The following DIAPH2 variants were observed in gnomAD, a reference collection of about 807,000 sequenced individuals.
The protein encoded by DIAPH2 is protein diaphanous homolog 2.
DIAPH2 carries 35 observed loss-of-function variants against 92.7 expected under a neutral mutation model. The observed-to-expected ratio is 0.38, with a 90% CI of 0.29 to 0.50. DIAPH2 has a LOEUF of 0.50. DIAPH2 is among the 20% of genes least tolerant of loss of function. The pLI, the probability that DIAPH2 is intolerant of heterozygous loss-of-function variation, is 0.94. For synonymous variants in DIAPH2, 301 were observed against 280.4 expected (o/e 1.07, Z -0.73); for missense variants, 701 against 819.5 (o/e 0.86, Z 1.77).
At chrX:96,724,643 A>G (rs2064010118) in intron 1 of DIAPH2, among the ~76,000 whole-genome samples, 1 of 111,800 alleles carries the variant, frequency 8.9e-6, no homozygotes, top group Admixed American at 9.5e-5. Flanking sequence ...GGCAAGGTTA[A>G]CAGCCACTTC....
chrX:96,689,861 T>C (rs2063790083), intron 1 of DIAPH2, among the ~76,000 whole-genome samples: 1 of 111,394 alleles, frequency 9.0e-6, no homozygotes, highest in Non-Finnish European at 1.9e-5. Flanking sequence ...GGCAGGCCGG[T>C]GCTTGGGTGC....
chrX:96,828,621 T>C (rs892244247), intron 4 of DIAPH2, among the ~76,000 whole-genome samples: 1 of 112,181 alleles, frequency 8.9e-6, no homozygotes, highest in African/African-American at 3.2e-5. Context: ...CTTAGGTGAT[T>C]TCAGAGCATT....
chrX:97,564,458 G>A (rs1308829352), intron 26 of DIAPH2: 2 of 111,981 alleles, frequency 1.8e-5, no homozygotes, highest in Non-Finnish European at 3.8e-5. Flanking sequence ...CTGCTTCCAA[G>A]ATGACACTTC....
chrX:96,811,690 A>G (rs2064682995), intron 4 of DIAPH2, among the ~76,000 whole-genome samples: 1 of 111,756 alleles, frequency 8.9e-6, no homozygotes. Context: ...TTTGAGATAC[A>G]TTCTGTCAAT....
intron 23 of DIAPH2, among the ~76,000 whole-genome samples, chrX:97,281,089 A>C (rs1196122551): frequency 8.9e-6 from 1 of 112,136 alleles, no homozygotes; most frequent in Non-Finnish European, 1.9e-5. Context: ...CTTTAAACCT[A>C]ATTTCAAGAG....
rs755344708 is a variant in DIAPH2, at chrX:97,075,327, T to C, written c.2247+66T>C. The C allele has an allele frequency of 5.3e-5, 34 of 639,889 alleles. No homozygotes were observed. In the South Asian group the frequency reaches 1.0e-3, roughly 19 times the overall value. The allele number at this position is 639,889 out of a possible 1,213,427, so 52.7% of individuals were successfully genotyped here. On this transcript the variant is annotated intron_variant, in intron 19 of 26. Coordinates refer to ENST00000324765, the MANE Select transcript of DIAPH2 (RefSeq NM_006729.5). ...TTTTTTTGGACTATTCTCTTCTCAA[T>C]GGAGTTGTAAGAAAATTCTCTTCTA...
chrX:96,802,954 G>T (rs928886582), intron 4 of DIAPH2, among the ~76,000 whole-genome samples: 1 of 111,408 alleles, frequency 9.0e-6, no homozygotes, highest in Non-Finnish European at 1.9e-5. Context: ...CCAGGGCAGG[G>T]AGCATCCAGC....
intron 5 of DIAPH2, among the ~76,000 whole-genome samples, chrX:96,897,967 T>C (rs1175452005): frequency 7.3e-5 from 6 of 82,193 alleles, no homozygotes; most frequent in African/African-American, 1.3e-4. Context: ...TGAGTGAGAA[T>C]ATGCAGTGTT....
At chrX:96,881,298 G>A (rs956945106) in intron 4 of DIAPH2, among the ~76,000 whole-genome samples, 12 of 111,218 alleles carry the variant, frequency 1.1e-4, no homozygotes, top group African/African-American at 3.9e-4. Context: ...TGCCTGAATT[G>A]TAAATTTAAG....
At chrX:97,490,771 A>G (rs897998852) in intron 26 of DIAPH2, among the ~76,000 whole-genome samples, 1 of 111,326 alleles carries the variant, frequency 9.0e-6, no homozygotes, top group East Asian at 2.8e-4. Context: ...CAGAAAAGAT[A>G]CTGTGTAGGA....
chrX:97,386,128 T>G lies in DIAPH2; in HGVS notation c.3145+2084T>G, dbSNP rs188221777. ...TATATAAACATTTTCAGGAATTGAC[T>G]ATAGTTTATATCTTCCACCCAGGAA... On this transcript the variant is annotated intron_variant, in intron 25 of 26. Transcript: ENST00000324765. Among the ~76,000 whole-genome samples, 303 of 112,307 alleles carry G rather than the reference T, an allele frequency of 2.7e-3. 1 individual carries two copies. The highest frequency in any genetic ancestry group is 4.6e-3 in the Non-Finnish European group (245 of 53,291).
At chrX:96,996,403 ATGGTATGCT>A (rs919228567) in intron 17 of DIAPH2, among the ~76,000 whole-genome samples, 8 of 111,906 alleles carry the variant, frequency 7.1e-5, no homozygotes, top group African/African-American at 2.6e-4. Context: ...CAGAATTGCC[ATGGTATGCT>A]TTTGAAAAAT....
chrX:97,136,270 A>G (rs2067169626), intron 21 of DIAPH2, among the ~76,000 whole-genome samples: 2 of 111,891 alleles, frequency 1.8e-5, no homozygotes, highest in African/African-American at 6.5e-5. Context: ...GGTACCCATG[A>G]TAACATGCTA....
At chrX:96,941,183 C>T (rs910493345) in intron 12 of DIAPH2, among the ~76,000 whole-genome samples, 1 of 112,027 alleles carries the variant, frequency 8.9e-6, no homozygotes, top group Non-Finnish European at 1.9e-5. Flanking sequence ...GGCTATTTAT[C>T]AGCACACTAT....
intron 22 of DIAPH2, among the ~76,000 whole-genome samples, chrX:97,147,774 A>C (rs1180988100): frequency 9.0e-6 from 1 of 111,437 alleles, no homozygotes; most frequent in South Asian, 3.7e-4. Context: ...AATTAAATAA[A>C]TTATTATAAT....
At chrX:97,134,363 G>A (rs976455615) in intron 21 of DIAPH2, among the ~76,000 whole-genome samples, 1 of 111,714 alleles carries the variant, frequency 9.0e-6, no homozygotes, top group African/African-American at 3.3e-5. Context: ...TTGAAAACAC[G>A]TTGACACTTC....
chrX:96,848,639 G>A (rs962786792), intron 4 of DIAPH2, among the ~76,000 whole-genome samples: 5 of 111,688 alleles, frequency 4.5e-5, no homozygotes, highest in African/African-American at 1.3e-4. Context: ...TGAATAAATG[G>A]ATACAGGGGT....
intron 25 of DIAPH2, among the ~76,000 whole-genome samples, chrX:97,392,002 G>GT (rs2069664339): frequency 1.8e-5 from 2 of 111,649 alleles, no homozygotes; most frequent in East Asian, 2.8e-4. Context: ...ATAAGAAACA[G>GT]TTTTTTTAAT....
At chrX:96,881,099 A>AT (rs1437106703) in intron 4 of DIAPH2, among the ~76,000 whole-genome samples, 2 of 111,064 alleles carry the variant, frequency 1.8e-5, no homozygotes, top group African/African-American at 6.5e-5. Flanking sequence ...GTTTTCACTT[A>AT]TTTTTTTTAG....
Sources: allele counts gnomAD v4.1 joint callset (sites outside exome capture counted in the v4.1 genomes callset), GRCh38; gene constraint gnomAD v4.1.1; transcripts MANE v1.5; gene names NCBI Gene and HGNC (gene_info 2026-07-23, HGNC 2026-07-21).